The following GABRB2 variants were observed in gnomAD, a reference collection of about 807,000 sequenced individuals.
The protein encoded by GABRB2 is gamma-aminobutyric acid receptor subunit beta-2.
A neutral mutation model predicts 54.7 loss-of-function variants in GABRB2; 16 were observed. The ratio of observed to expected loss-of-function variants is 0.29; its 90% CI spans 0.20 to 0.44. The LOEUF is 0.44. Among genes scored for constraint, GABRB2 ranks in the 20% least tolerant of loss-of-function variants. GABRB2 has a pLI of 1.00. For synonymous variants in GABRB2, 244 were observed against 233.8 expected (o/e 1.04, Z -0.40); for missense variants, 355 against 644.0 (o/e 0.55, Z 4.86).
intron 5 of GABRB2, among the ~76,000 whole-genome samples, chr5:161,385,090 T>C (rs1402388786): frequency 6.6e-6 from 1 of 152,152 alleles, no homozygotes; most frequent in East Asian, 1.9e-4. Flanking sequence ...ATCTCCCGCA[T>C]TGAGCATCCC....
chr5:161,343,218 A>AT (rs199758120), intron 5 of GABRB2, among the ~76,000 whole-genome samples: 4,378 of 150,492 alleles, frequency 0.029, 156 homozygotes, highest in African/African-American at 0.084. Context: ...CTAGACACAC[A>AT]TTTTTTTTTG....
chr5:161,475,741 T>C (rs1030220298), intron 3 of GABRB2, among the ~76,000 whole-genome samples: 1 of 151,888 alleles, frequency 6.6e-6, no homozygotes, highest in East Asian at 1.9e-4. Context: ...AGAAAAAGCA[T>C]TTACAAAATT....
intron 5 of GABRB2, among the ~76,000 whole-genome samples, chr5:161,368,706 A>C (rs1443892504): frequency 6.6e-6 from 1 of 152,200 alleles, no homozygotes; most frequent in African/African-American, 2.4e-5. Flanking sequence ...CTAAGAAGCG[A>C]TAGTCATCCA....
chr5:161,395,781 C>T (rs116203240), intron 5 of GABRB2, among the ~76,000 whole-genome samples: 1,825 of 152,162 alleles, frequency 0.012, 34 homozygotes, highest in African/African-American at 0.041. Flanking sequence ...ACAATGACTT[C>T]CCTCTCTGGA....
At chr5:161,433,441 A>C (rs1337985757) in intron 4 of GABRB2, among the ~76,000 whole-genome samples, 1 of 121,474 alleles carries the variant, frequency 8.2e-6, no homozygotes, top group Admixed American at 7.8e-5. Flanking sequence ...CTCTACTAAA[A>C]ATACAAAAAA....
intron 5 of GABRB2, among the ~76,000 whole-genome samples, chr5:161,392,959 T>C (rs1260812770): frequency 6.6e-6 from 1 of 152,076 alleles, no homozygotes; most frequent in Non-Finnish European, 1.5e-5. Flanking sequence ...AAAAGGTATG[T>C]AATATAGTTA....
At chr5:161,408,337 A>G (rs1756405187) in intron 5 of GABRB2, among the ~76,000 whole-genome samples, 1 of 152,076 alleles carries the variant, frequency 6.6e-6, no homozygotes, top group South Asian at 2.1e-4. Flanking sequence ...GGTCTAAAGC[A>G]TGTCAGATTT....
Position 161,294,210 on chromosome 5 carries a change from G to A in GABRB2, c.1410C>T (p.Arg470=), listed in dbSNP as rs373821165. The change falls in exon 10 of 10, where the codon CGC becomes CGT. Residue 470 remains arginine (R), a synonymous_variant. Coordinates refer to ENST00000393959, the MANE Select transcript of GABRB2 (RefSeq NM_001371727.1). The stretch of plus-strand genomic sequence containing the variant: ...GGATGGTGATTTTCAGTTGGGAGGC[G>A]CGTCTCCTCAGGCGACTTTTCTTTT... ...VAQKKSRLRR[R]ASQLKITIPD... 4.7e-5 allele frequency: 76 copies of A among 1,614,026 alleles called. No individual in the cohort carries two copies. The highest frequency in any genetic ancestry group is 8.0e-5 in the African/African-American group (6 of 74,928).
chr5:161,441,065 T>C (rs578208196), intron 4 of GABRB2, among the ~76,000 whole-genome samples: 84 of 152,306 alleles, frequency 5.5e-4, no homozygotes, highest in Non-Finnish European at 8.7e-4. Context: ...AAAGATTTCG[T>C]GAGCAGTACC....
intron 4 of GABRB2, among the ~76,000 whole-genome samples, chr5:161,430,158 GT>G: frequency 6.6e-6 from 1 of 152,024 alleles, no homozygotes; most frequent in South Asian, 2.1e-4. Flanking sequence ...GAAACAGAGA[GT>G]TAGCTAGAGG....
intron 4 of GABRB2, among the ~76,000 whole-genome samples, chr5:161,448,686 A>C (rs1757705548): frequency 6.6e-6 from 1 of 152,194 alleles, no homozygotes; most frequent in Non-Finnish European, 1.5e-5. Context: ...ACAGATTTTC[A>C]AAATTTCTAT....
At chr5:161,355,910 A>G (rs774756680) in intron 5 of GABRB2, among the ~76,000 whole-genome samples, 10 of 152,154 alleles carry the variant, frequency 6.6e-5, no homozygotes, top group Non-Finnish European at 1.3e-4. Flanking sequence ...TTATACCAGA[A>G]AAAATATCTT....
rs527440708 is a variant in GABRB2, at chr5:161,476,646, G to A, written c.238-16802C>T. 1.8e-4 allele frequency among the ~76,000 whole-genome samples: 28 copies of A among 151,882 alleles called. No individual in the cohort carries two copies. The South Asian group carries it at 4.8e-3, about 26-fold the overall frequency. The stretch of plus-strand genomic sequence containing the variant: ...TCCAGAAATAAACCCTCAAATGTAC[G>A]AATAAATGCTCTTAAGCAAGGGTGC... On this transcript the variant is annotated intron_variant, in intron 3 of 9. Coordinates refer to ENST00000393959, the MANE Select transcript of GABRB2 (RefSeq NM_001371727.1).
intron 3 of GABRB2, among the ~76,000 whole-genome samples, chr5:161,470,186 C>T (rs1321987437): frequency 2.0e-5 from 3 of 151,662 alleles, no homozygotes; most frequent in Admixed American, 6.6e-5. Flanking sequence ...AACATTCATC[C>T]TCTGAGCCTT....
At chr5:161,312,028 G>GTGTGTT (rs1554092650) in intron 9 of GABRB2, among the ~76,000 whole-genome samples, 38 of 152,078 alleles carry the variant, frequency 2.5e-4, no homozygotes, top group African/African-American at 9.2e-4. Flanking sequence ...TTGTGTGTGT[G>GTGTGTT]TGTGTGTGTG....
intron 5 of GABRB2, among the ~76,000 whole-genome samples, chr5:161,403,221 C>T (rs773479861): frequency 6.6e-6 from 1 of 152,034 alleles, no homozygotes; most frequent in Non-Finnish European, 1.5e-5. Flanking sequence ...TAGCTCTGGG[C>T]ATTTCTATAA....
chr5:161,497,459 A>G (rs1331305564), intron 3 of GABRB2, among the ~76,000 whole-genome samples: 1 of 151,906 alleles, frequency 6.6e-6, no homozygotes, highest in African/African-American at 2.4e-5. Flanking sequence ...GAGTATAATC[A>G]TGAGATCCCA....
At chr5:161,394,453 T>A (rs1755932229) in intron 5 of GABRB2, among the ~76,000 whole-genome samples, 1 of 151,920 alleles carries the variant, frequency 6.6e-6, no homozygotes, top group South Asian at 2.1e-4. Flanking sequence ...TTGACAAATA[T>A]CCAGCAAAAC....
chr5:161,338,143 C>T (rs990909239), intron 5 of GABRB2, among the ~76,000 whole-genome samples: 1 of 151,864 alleles, frequency 6.6e-6, no homozygotes, highest in African/African-American at 2.4e-5. Flanking sequence ...AGTAGGATAC[C>T]TTCAATTGGA....
Sources: allele counts gnomAD v4.1 joint callset (sites outside exome capture counted in the v4.1 genomes callset), GRCh38; gene constraint gnomAD v4.1.1; transcripts MANE v1.5; gene names NCBI Gene and HGNC (gene_info 2026-07-23, HGNC 2026-07-21).